The following CHID1 variants were observed in gnomAD, a reference collection of about 807,000 sequenced individuals.
The protein encoded by CHID1 is chitinase domain containing 1, also known as chitinase domain-containing protein 1.
In CHID1, 44 loss-of-function variants were observed where a neutral mutation model predicts 55.4. That is an observed-to-expected ratio of 0.79 (90% CI 0.62 to 1.02). The LOEUF is 1.02. Ranked by LOEUF, CHID1 falls within the 50% of genes least tolerant of loss-of-function variation. The pLI, the probability that CHID1 is intolerant of heterozygous loss-of-function variation, is 0.00. For missense variants in CHID1, 491 were observed against 515.3 expected (o/e 0.95, Z 0.46); for synonymous variants, 216 against 212.9 (o/e 1.01, Z -0.13).
rs560444596 is a variant in CHID1, at chr11:896,553, C to A, written c.608+2787G>T. ...CAGACGTGAGGCTGTCTCAGCACCC[C>A]CAGCCTCCACCCCAGACGTGAGGCT... On this transcript the variant is annotated intron_variant, in intron 7 of 12. Transcript: ENST00000323578. 8.1e-4 allele frequency among the ~76,000 whole-genome samples: 106 copies of A among 130,980 alleles called. 3 individuals carry two copies. Among genetic ancestry groups the A allele is most frequent in the African/African-American group, 2.8e-3 (88 of 31,722 alleles). 85.9% of individuals were successfully genotyped at this position (130,980 alleles called of 152,430 possible).
chr11:883,479 G>C (rs7125550), intron 9 of CHID1, among the ~76,000 whole-genome samples, 176 bp from the exon 10 acceptor site: 67,337 of 151,984 alleles, frequency 0.44, 15,697 homozygotes, highest in Admixed American at 0.52. Flanking sequence ...GGGCCCATGA[G>C]GGACGTCACG....
Position 875,339 on chromosome 11 carries a change from G to A in CHID1, c.960-4840C>T, listed in dbSNP as rs1849437457. ...TGTGGGATCCAGCCATGTCCTGACCGGAGGCCCTGAGGTTCACCGTCTCCC... is the reference window on the plus strand; with the variant it reads ...TGTGGGATCCAGCCATGTCCTGACCAGAGGCCCTGAGGTTCACCGTCTCCC... On this transcript the variant is annotated intron_variant, in intron 10 of 12. Transcript: ENST00000323578. This position sits in a 1 kb window ranked among gnomAD's most constrained non-coding sequence, Gnocchi z 4.7. Among the ~76,000 whole-genome samples the A allele has an allele frequency of 6.6e-6, 1 of 152,244 alleles. No homozygotes were observed. Among genetic ancestry groups the A allele is most frequent in the Admixed American group, 6.5e-5 (1 of 15,284 alleles).
chr11:903,164 G>A, intron 2 of CHID1, 53 bp from the exon 3 acceptor site: 2 of 1,568,742 alleles, frequency 1.3e-6, no homozygotes, highest in Admixed American at 1.7e-5. Context: ...ACAGTGTAGA[G>A]CACAGAGCCC....
At chr11:870,579 C>G (rs1052775635) in intron 10 of CHID1, 80 bp from the exon 11 acceptor site, 4 of 1,052,694 alleles carry the variant, frequency 3.8e-6, no homozygotes, top group Non-Finnish European at 2.9e-6. Context: ...GGCTGTGGCT[C>G]TCAGCAGGGG....
intron 8 of CHID1, among the ~76,000 whole-genome samples, chr11:891,607 G>A (rs528831816): frequency 7.2e-5 from 11 of 152,302 alleles, no homozygotes; most frequent in African/African-American, 2.4e-4. Flanking sequence ...AGCACAAAGG[G>A]CAACCTGGGA....
At position 902,042 on chromosome 11, in the gene CHID1, C is replaced by T. The variant is rs1851852799; in HGVS notation, c.394+156G>A. On this transcript the variant is annotated intron_variant, in intron 4 of 12. Coordinates refer to ENST00000323578, the MANE Select transcript of CHID1 (RefSeq NM_023947.4). Reference sequence around the variant, plus strand: ...ACATCATCAGTCTCACACTTACACACTCACATTCACACTTAAATCACGCAG... The same window carrying T: ...ACATCATCAGTCTCACACTTACACATTCACATTCACACTTAAATCACGCAG... 3 of 758,788 alleles carry T rather than the reference C, an allele frequency of 4.0e-6. No homozygotes were observed. The South Asian group carries it at 5.2e-5, about 13-fold the overall frequency. 47.0% of individuals were successfully genotyped at this position (758,788 alleles called of 1,614,324 possible).
upstream of CHID1, among the ~76,000 whole-genome samples, chr11:913,303 A>G (rs1405580201): frequency 1.3e-5 from 2 of 152,168 alleles, no homozygotes; most frequent in African/African-American, 4.8e-5. Context: ...GACATAAGCC[A>G]CCTCACCAGG....
At chr11:878,561 C>CT (rs929608537) in intron 10 of CHID1, among the ~76,000 whole-genome samples, 1 of 147,950 alleles carries the variant, frequency 6.8e-6, no homozygotes, top group Admixed American at 6.7e-5. Context: ...GAAATTCTGT[C>CT]TAAAAAAAAA....
chr11:879,075 T>C (rs1849712234), intron 10 of CHID1, among the ~76,000 whole-genome samples: 1 of 152,222 alleles, frequency 6.6e-6, no homozygotes, highest in African/African-American at 2.4e-5. Context: ...CTCTATCTCC[T>C]GACCTTGTGA....
chr11:870,388 CA>C, intron 11 of CHID1, 30 bp downstream of exon 11: 1 of 1,572,582 alleles, frequency 6.4e-7, no homozygotes, highest in Non-Finnish European at 8.7e-7. Flanking sequence ...CACACAAGGC[CA>C]AGGTGGGCCA....
At chr11:883,022 A>G (rs1192870205) in intron 10 of CHID1, 126 bp downstream of exon 10, 4 of 1,081,896 alleles carry the variant, frequency 3.7e-6, no homozygotes, top group East Asian at 4.8e-5. Flanking sequence ...CCCAGCCCCT[A>G]TCTCTGACTC....
At chr11:889,954 CCT>C (rs775309152) in intron 8 of CHID1, among the ~76,000 whole-genome samples, 27 of 152,260 alleles carry the variant, frequency 1.8e-4, no homozygotes, top group South Asian at 4.1e-4. Context: ...TCGCCTGGCC[CCT>C]GTCTGCTGCT....
intron 8 of CHID1, among the ~76,000 whole-genome samples, chr11:892,971 C>T (rs1565185634): frequency 1.3e-5 from 2 of 152,248 alleles, no homozygotes; most frequent in Non-Finnish European, 1.5e-5. Flanking sequence ...TGCACCCAAC[C>T]GCACACAGCG....
intron 3 of CHID1, among the ~76,000 whole-genome samples, chr11:902,670 G>C (rs376128046): frequency 7.9e-4 from 43 of 54,256 alleles, no homozygotes; most frequent in African/African-American, 1.6e-3. Context: ...CCTGGCCCAG[G>C]GTTGGCTCTG....
rs749863028 is a variant in CHID1, at chr11:893,377, G to A, written c.701+50C>T. The A allele has an allele frequency of 2.9e-5, 43 of 1,476,310 alleles. No homozygotes were observed. In the South Asian group the frequency reaches 4.5e-4, roughly 15 times the overall value. The allele number at this position is 1,476,310 out of a possible 1,614,324, so 91.5% of individuals were successfully genotyped here. On this transcript the variant is annotated intron_variant, in intron 8 of 12. Coordinates refer to ENST00000323578, the MANE Select transcript of CHID1 (RefSeq NM_023947.4). ...CCGACACCCTGCACTGGCTGCCCCCGACCCCAGAGCCCTCCACAGCCACCC... is the reference window on the plus strand; with the variant it reads ...CCGACACCCTGCACTGGCTGCCCCCAACCCCAGAGCCCTCCACAGCCACCC...
At chr11:901,001 A>C in intron 4 of CHID1, 21 bp from the exon 5 acceptor site, 1 of 1,592,832 alleles carries the variant, frequency 6.3e-7, no homozygotes. Flanking sequence ...TGGAGGGGAC[A>C]GTCAACACAG....
chr11:912,989 A>G (rs1178938196), upstream of CHID1, among the ~76,000 whole-genome samples: 2 of 152,236 alleles, frequency 1.3e-5, no homozygotes, highest in African/African-American at 2.4e-5. Context: ...AAACTTGAAC[A>G]CATTTCGTAT....
chr11:893,280 G>A (rs1445134357), intron 8 of CHID1, 147 bp downstream of exon 8: 6 of 608,332 alleles, frequency 9.9e-6, no homozygotes, highest in African/African-American at 3.8e-5. Flanking sequence ...GGCACAGAGT[G>A]TGTGGCAGCT....
chr11:897,640 G>A (rs1183848204), intron 7 of CHID1, among the ~76,000 whole-genome samples: 4 of 152,176 alleles, frequency 2.6e-5, no homozygotes, highest in East Asian at 1.9e-4. Context: ...ATAGCCTTGC[G>A]GACATCCTTA....
Sources: gnomAD v4.1 joint callset for allele counts (sites outside exome capture counted in the v4.1 genomes callset) on GRCh38, gnomAD v4.1.1 for gene constraint, Gnocchi (gnomAD v3.1) non-coding constraint, MANE v1.5 for transcripts, NCBI Gene and HGNC (gene_info 2026-07-23, HGNC 2026-07-21) for gene names.